DIAPH2: variants seen among roughly 807,000 people sequenced by gnomAD.
DIAPH2 encodes diaphanous related formin 2.
A neutral mutation model predicts 92.7 loss-of-function variants in DIAPH2; 35 were observed. The ratio of observed to expected loss-of-function variants is 0.38; its 90% CI spans 0.29 to 0.50. The LOEUF is 0.50. Among genes scored for constraint, DIAPH2 ranks in the 20% least tolerant of loss-of-function variants. The probability of loss-of-function intolerance (pLI) is 0.94; values close to 1 mark genes in which losing one functional copy is unlikely to be tolerated. For synonymous variants in DIAPH2, 301 were observed against 280.4 expected (o/e 1.07, Z -0.73); for missense variants, 701 against 819.5 (o/e 0.86, Z 1.77).
intron 21 of DIAPH2, among the ~76,000 whole-genome samples, chrX:97,135,594 C>T (rs902023598): frequency 2.7e-5 from 3 of 111,137 alleles, no homozygotes; most frequent in African/African-American, 6.5e-5. Flanking sequence ...CACACGCATA[C>T]CATCTTCATC....
At chrX:96,763,460 G>T (rs2064281698) in intron 4 of DIAPH2, among the ~76,000 whole-genome samples, 1 of 111,101 alleles carries the variant, frequency 9.0e-6, no homozygotes, top group African/African-American at 3.3e-5. Flanking sequence ...TAAAATGTTG[G>T]TTTATGCTAA....
At chrX:96,971,765 C>A (rs2065929201) in intron 17 of DIAPH2, among the ~76,000 whole-genome samples, 1 of 111,592 alleles carries the variant, frequency 9.0e-6, no homozygotes, top group Non-Finnish European at 1.9e-5. Flanking sequence ...TATCACCTTT[C>A]AGAACCATTA....
chrX:96,814,874 A>G (rs112168652), intron 4 of DIAPH2, among the ~76,000 whole-genome samples: 1,371 of 111,454 alleles, frequency 0.012, 20 homozygotes, highest in African/African-American at 0.041. Context: ...AGAACAGCCA[A>G]TATTGCTGCC....
chrX:97,124,752 C>T (rs1363115874), intron 21 of DIAPH2, among the ~76,000 whole-genome samples: 1 of 111,518 alleles, frequency 9.0e-6, no homozygotes, highest in East Asian at 2.8e-4. Flanking sequence ...CTGATTTTAA[C>T]TTATATGTTA....
At chrX:96,752,507 G>A (rs1238130803) in intron 3 of DIAPH2, among the ~76,000 whole-genome samples, 1 of 112,170 alleles carries the variant, frequency 8.9e-6, no homozygotes, top group Non-Finnish European at 1.9e-5. Flanking sequence ...CAATGTAAGT[G>A]ACACATAAGG....
intron 4 of DIAPH2, among the ~76,000 whole-genome samples, chrX:96,802,323 A>G (rs1049190498): frequency 8.9e-6 from 1 of 112,280 alleles, no homozygotes; most frequent in African/African-American, 3.2e-5. Context: ...AAAAACATCA[A>G]TAGATGATAT....
At chrX:96,864,917 C>T (rs1215867409) in intron 4 of DIAPH2, among the ~76,000 whole-genome samples, 2 of 112,153 alleles carry the variant, frequency 1.8e-5, no homozygotes, top group Non-Finnish European at 3.8e-5. Flanking sequence ...TAATATGTCT[C>T]ACCTTACAGG....
intron 5 of DIAPH2, among the ~76,000 whole-genome samples, chrX:96,888,581 CTATATATATACAGA>C (rs1569421224): frequency 8.7e-5 from 8 of 92,020 alleles, no homozygotes; most frequent in East Asian, 3.3e-4. Context: ...ATATATATAT[CTATATATATACAGA>C]TATATATATC....
chrX:96,810,540 A>G (rs1220342264), intron 4 of DIAPH2, among the ~76,000 whole-genome samples: 2 of 111,593 alleles, frequency 1.8e-5, no homozygotes, highest in Non-Finnish European at 3.8e-5. Context: ...CCATTTGTCA[A>G]TTTTGGCTTT....
At chrX:97,069,696 A>T (rs972181023) in intron 17 of DIAPH2, among the ~76,000 whole-genome samples, 8 of 111,991 alleles carry the variant, frequency 7.1e-5, no homozygotes, top group Non-Finnish European at 1.5e-4. Flanking sequence ...TGAAATTTTA[A>T]GATAAAGTAG....
intron 26 of DIAPH2, among the ~76,000 whole-genome samples, chrX:97,542,154 A>G (rs138050983): frequency 0.018 from 2,031 of 112,424 alleles, 34 homozygotes; most frequent in African/African-American, 0.062. Context: ...GCATTATCCG[A>G]TAGGCATGAG....
chrX:97,420,538 A>G (rs1014587208), intron 25 of DIAPH2, among the ~76,000 whole-genome samples: 6 of 112,013 alleles, frequency 5.4e-5, no homozygotes, highest in Non-Finnish European at 1.1e-4. Flanking sequence ...TCACCTCACT[A>G]TAGGAAACTG....
intron 21 of DIAPH2, among the ~76,000 whole-genome samples, chrX:97,128,346 TGGTTTTGGTG>T (rs1166521633): frequency 1.8e-5 from 2 of 111,046 alleles, no homozygotes; most frequent in African/African-American, 6.6e-5. Context: ...ATCGCCATTT[TGGTTTTGGTG>T]GGTTTTGGCC....
intron 26 of DIAPH2, chrX:97,555,357 T>G: frequency 3.7e-6 from 2 of 537,935 alleles, no homozygotes; most frequent in Non-Finnish European, 4.5e-6. Context: ...TCAGGAAAGA[T>G]GTTATATGGC....
chrX:96,938,868 G>A (rs989481603), intron 11 of DIAPH2, among the ~76,000 whole-genome samples: 1 of 111,891 alleles, frequency 8.9e-6, no homozygotes, highest in Non-Finnish European at 1.9e-5. Flanking sequence ...ATCTTATGTG[G>A]CAGTGAAAAT....
intron 5 of DIAPH2, among the ~76,000 whole-genome samples, chrX:96,885,705 A>AT (rs1032803120): frequency 1.8e-5 from 2 of 111,259 alleles, no homozygotes; most frequent in Non-Finnish European, 3.8e-5. Context: ...TAAATAAACC[A>AT]TTTTTGCCAG....
At chrX:97,281,127 G>C (rs2068493309) in intron 23 of DIAPH2, among the ~76,000 whole-genome samples, 1 of 111,800 alleles carries the variant, frequency 8.9e-6, no homozygotes, top group African/African-American at 3.2e-5. Context: ...CTGTAGGATT[G>C]TTTTATATTT....
intron 26 of DIAPH2, among the ~76,000 whole-genome samples, chrX:97,444,392 A>G (rs1331414745): frequency 9.0e-6 from 1 of 111,724 alleles, no homozygotes; most frequent in Non-Finnish European, 1.9e-5. Flanking sequence ...AACAAAAACA[A>G]GGGTATGATT....
intron 19 of DIAPH2, among the ~76,000 whole-genome samples, chrX:97,080,575 G>A (rs1401307749): frequency 9.5e-6 from 1 of 104,823 alleles, no homozygotes; most frequent in Non-Finnish European, 1.9e-5. Context: ...TTTATAGGTT[G>A]CTACACGATT....
Sources: allele counts gnomAD v4.1 joint callset (sites outside exome capture counted in the v4.1 genomes callset), GRCh38; gene constraint gnomAD v4.1.1; transcripts MANE v1.5; gene names NCBI Gene and HGNC (gene_info 2026-07-23, HGNC 2026-07-21).